The following TRPM3 variants were observed in gnomAD, a reference collection of about 807,000 sequenced individuals.
The protein encoded by TRPM3 is long transient receptor potential channel 3.
A neutral mutation model predicts 181.2 loss-of-function variants in TRPM3; 77 were observed. That is an observed-to-expected ratio of 0.42 (90% confidence interval 0.35 to 0.51). The LOEUF (loss-of-function observed/expected upper bound fraction) is 0.51. Ranked by LOEUF, TRPM3 falls within the 20% of genes least tolerant of loss-of-function variation. The pLI, the probability that TRPM3 is intolerant of heterozygous loss-of-function variation, is 0.01. For synonymous variants in TRPM3, 745 were observed against 796.4 expected, an observed-to-expected ratio of 0.94 and a Z score of 1.09; for missense variants, 1,759 against 2,196.7, an observed-to-expected ratio of 0.80 and a Z score of 3.98.
chr9:71,242,230 C>A (rs535906143), intron 1 of TRPM3, among the ~76,000 whole-genome samples: 2 of 152,156 alleles, frequency 1.3e-5, no homozygotes, highest in Non-Finnish European at 2.9e-5. Flanking sequence ...AATCAAAGTA[C>A]CTCCAGCTTA....
chr9:70,587,452 C>T (rs1274252124), intron 22 of TRPM3, among the ~76,000 whole-genome samples: 1 of 152,136 alleles, frequency 6.6e-6, no homozygotes, highest in Admixed American at 6.5e-5. Flanking sequence ...CCAGAGACAC[C>T]CCGTTTTCCC....
intron 8 of TRPM3, among the ~76,000 whole-genome samples, chr9:70,683,331 C>G (rs2065924882): frequency 6.6e-6 from 1 of 151,814 alleles, no homozygotes; most frequent in Non-Finnish European, 1.5e-5. Flanking sequence ...ACAATCCTTC[C>G]ACTTCAGCCT....
Position 70,846,412 on chromosome 9 carries a change from A to G in TRPM3, c.642T>C (p.Thr214=). Reference sequence around the variant, plus strand: ...CCCCTCCAGTGAATATCCACGCTCCAGTTGTCATTGCTGCTTTGATGAGCC... The same window carrying G: ...CCCCTCCAGTGAATATCCACGCTCCGGTTGTCATTGCTGCTTTGATGAGCC... The part of the protein sequence containing the change: ...GKGLIKAAMT[T]GAWIFTGGVN... The change falls in exon 4 of 26, where the codon ACT becomes ACC. Residue 214 remains threonine (T), a synonymous_variant. Transcript: ENST00000677713. The G allele has an allele frequency of 1.9e-6, 3 of 1,614,144 alleles. No homozygotes were observed. The highest frequency in any genetic ancestry group is 2.5e-6 in the Non-Finnish European group (3 of 1,180,006).
At chr9:70,624,487 T>C (rs980223900) in intron 14 of TRPM3, among the ~76,000 whole-genome samples, 2 of 152,178 alleles carry the variant, frequency 1.3e-5, no homozygotes, top group African/African-American at 4.8e-5. Flanking sequence ...AAAGTTCACT[T>C]ACATGGTTTT....
intron 1 of TRPM3, among the ~76,000 whole-genome samples, chr9:71,272,279 T>G (rs1037540242): frequency 4.6e-5 from 7 of 152,178 alleles, no homozygotes; most frequent in Non-Finnish European, 1.0e-4. Context: ...TGACTGTAAT[T>G]GCACATAGGT....
chr9:70,925,375 C>T (rs182220624), intron 1 of TRPM3, among the ~76,000 whole-genome samples: 2 of 152,088 alleles, frequency 1.3e-5, no homozygotes, highest in Admixed American at 6.6e-5. Context: ...TTACACTAGA[C>T]TTTTTTCCTG....
In TRPM3 at chr9:71,272,225, A is replaced by G. The variant is rs537938704; in HGVS notation, c.183+174428T>C. ...AAAAATTTTTAATGTCTAAGACATC[A>G]AGAAAATAGAATTGGTATTGAGAGA... is the stretch of plus-strand genomic sequence containing the variant. On this transcript the variant is annotated intron_variant, in intron 1 of 24. Transcript: ENST00000357533. 1.3e-3 allele frequency among the ~76,000 whole-genome samples: 192 copies of G among 152,346 alleles called. 1 individual carries two copies. The highest frequency in any genetic ancestry group is 2.4e-3 in the Non-Finnish European group (165 of 68,036).
intron 1 of TRPM3, among the ~76,000 whole-genome samples, chr9:71,240,701 A>G (rs1040946130): frequency 6.6e-6 from 1 of 152,210 alleles, no homozygotes; most frequent in Non-Finnish European, 1.5e-5. Context: ...TTTTATAAAA[A>G]TATTTTTAGT....
chr9:70,618,153 A>T (rs1300675069), intron 17 of TRPM3, among the ~76,000 whole-genome samples: 2 of 152,214 alleles, frequency 1.3e-5, no homozygotes, highest in African/African-American at 4.8e-5. Flanking sequence ...AACATAAAAA[A>T]AGCAAACGCT....
intron 1 of TRPM3, among the ~76,000 whole-genome samples, chr9:71,014,698 C>T (rs1398777686): frequency 2.0e-5 from 3 of 151,980 alleles, no homozygotes; most frequent in Non-Finnish European, 4.4e-5. Context: ...TAGTATACTT[C>T]TAGTTATTTA....
chr9:70,611,477 A>G (rs72718987), intron 18 of TRPM3, among the ~76,000 whole-genome samples: 37,102 of 152,006 alleles, frequency 0.24, 4,909 homozygotes, highest in South Asian at 0.45. Flanking sequence ...GCCACCATAT[A>G]AGACATGCCT....
intron 1 of TRPM3, among the ~76,000 whole-genome samples, chr9:70,877,195 G>A (rs1300027569): frequency 6.6e-6 from 1 of 151,840 alleles, no homozygotes; most frequent in East Asian, 1.9e-4. Context: ...TAGAGCCCAG[G>A]TTCGTTACTG....
intron 1 of TRPM3, among the ~76,000 whole-genome samples, chr9:71,432,809 G>C (rs1362269069): frequency 6.6e-6 from 1 of 152,050 alleles, no homozygotes; most frequent in Non-Finnish European, 1.5e-5. Flanking sequence ...GCAATGTGTT[G>C]GTGACAGCAA....
intron 9 of TRPM3, among the ~76,000 whole-genome samples, chr9:70,655,134 C>T (rs1334099704): frequency 2.7e-5 from 4 of 149,704 alleles, no homozygotes; most frequent in African/African-American, 4.9e-5. Flanking sequence ...GGTGAAACCC[C>T]GTCTCTGCTA....
chr9:71,104,141 C>G (rs1201155627), intron 1 of TRPM3, among the ~76,000 whole-genome samples: 1 of 152,094 alleles, frequency 6.6e-6, no homozygotes, highest in Non-Finnish European at 1.5e-5. Flanking sequence ...GCCTTGAACT[C>G]CTGACCTCAA....
At chr9:70,670,555 A>G (rs1165304076) in intron 9 of TRPM3, among the ~76,000 whole-genome samples, 1 of 152,172 alleles carries the variant, frequency 6.6e-6, no homozygotes, top group Non-Finnish European at 1.5e-5. Flanking sequence ...TCTAGATTCA[A>G]TTCCTTTCAG....
At chr9:71,265,237 T>C (rs1565399940) in intron 1 of TRPM3, among the ~76,000 whole-genome samples, 1 of 152,188 alleles carries the variant, frequency 6.6e-6, no homozygotes, top group Non-Finnish European at 1.5e-5. Context: ...GCAAGAAGTT[T>C]AAAATTTTCT....
Position 70,803,033 on chromosome 9 carries a change from T to TAAAAAAAAAA in TRPM3, c.974-18764_974-18755dup, listed in dbSNP as rs78461560. On this transcript the variant is annotated intron_variant, in intron 6 of 25. Transcript: ENST00000677713. ...ACAGAACTTGCCTGGAGAAATTTTG[T>TAAAAAAAAAA]AAAAAAAAAAAAAAAAAAAAAAAAA... Among the ~76,000 whole-genome samples, 31 of 42,896 alleles carry TAAAAAAAAAA rather than the reference T, an allele frequency of 7.2e-4. 2 individuals are homozygous for TAAAAAAAAAA. The highest frequency in any genetic ancestry group is 1.2e-3 in the African/African-American group (14 of 11,620). The allele number at this position is 42,896 out of a possible 152,430, so 28.1% of individuals were successfully genotyped here. A position where few individuals can be genotyped will look rare whatever the true frequency, so the allele number is the denominator to read the frequency against.
At chr9:70,932,137 C>T (rs1391124563) in intron 1 of TRPM3, among the ~76,000 whole-genome samples, 1 of 152,102 alleles carries the variant, frequency 6.6e-6, no homozygotes, top group Non-Finnish European at 1.5e-5. Context: ...TAGGATTAGA[C>T]CTGGAGGAAA....
Sources: allele counts gnomAD v4.1 joint callset (sites outside exome capture counted in the v4.1 genomes callset), GRCh38; gene constraint gnomAD v4.1.1; transcripts MANE v1.5; gene names NCBI Gene and HGNC (gene_info 2026-07-23, HGNC 2026-07-21).